P4HA1: variants seen among roughly 807,000 people sequenced by gnomAD.
P4HA1 encodes prolyl 4-hydroxylase subunit alpha 1.
In P4HA1, 24 loss-of-function variants were observed where a neutral mutation model predicts 72.8. The observed-to-expected ratio is 0.33, with a 90% CI of 0.24 to 0.46. The LOEUF (loss-of-function observed/expected upper bound fraction) is 0.46, where lower values mean the gene tolerates loss of function less well. Ranked by LOEUF, P4HA1 falls within the 20% of genes least tolerant of loss-of-function variation. P4HA1 has a pLI of 1.00. For missense variants in P4HA1, 446 were observed against 640.6 expected (o/e 0.70, Z 3.28); for synonymous variants, 201 against 218.8 (o/e 0.92, Z 0.72).
At chr10:73,049,312 C>A (rs1265714224) in intron 7 of P4HA1, among the ~76,000 whole-genome samples, 5 of 152,068 alleles carry the variant, frequency 3.3e-5, no homozygotes, top group Non-Finnish European at 7.4e-5. Flanking sequence ...CTTGAGTTTA[C>A]CAGTAGTAAA....
At chr10:73,044,418 G>A (rs1840806619) in intron 9 of P4HA1, among the ~76,000 whole-genome samples, 1 of 152,196 alleles carries the variant, frequency 6.6e-6, no homozygotes, top group African/African-American at 2.4e-5. Context: ...ACAGAGCTCA[G>A]AAGCGTAACT....
chr10:73,042,618 A>C (rs2133083358), intron 9 of P4HA1, among the ~76,000 whole-genome samples: 1 of 152,232 alleles, frequency 6.6e-6, no homozygotes, highest in East Asian at 1.9e-4. Flanking sequence ...TGTGAACAAA[A>C]TATTTTTTAA....
intron 1 of P4HA1, among the ~76,000 whole-genome samples, chr10:73,091,085 GAAGT>G (rs1041494547): frequency 1.7e-5 from 2 of 118,992 alleles, no homozygotes; most frequent in African/African-American, 3.2e-5. Flanking sequence ...AAAAAAAAAA[GAAGT>G]AACTAAATTT....
chr10:73,058,090 GAAAAAA>G (rs869244017), intron 5 of P4HA1, among the ~76,000 whole-genome samples: 2 of 23,060 alleles, frequency 8.7e-5, no homozygotes, highest in East Asian at 8.8e-4. Flanking sequence ...ACTCCGTCCA[GAAAAAA>G]AAAAAAAAAA....
intron 9 of P4HA1, among the ~76,000 whole-genome samples, chr10:73,039,802 A>C (rs1338969856): frequency 2.0e-5 from 3 of 151,852 alleles, no homozygotes; most frequent in African/African-American, 7.3e-5. Context: ...CAAGGGATTA[A>C]ATTAACTGAC....
intron 5 of P4HA1, among the ~76,000 whole-genome samples, chr10:73,067,138 G>A (rs1320000249): frequency 2.0e-5 from 3 of 152,056 alleles, no homozygotes; most frequent in Non-Finnish European, 4.4e-5. Context: ...CAAAGTGCTG[G>A]GATTACAGGC....
At chr10:73,079,650 G>A (rs912974801) in intron 1 of P4HA1, among the ~76,000 whole-genome samples, 1 of 152,096 alleles carries the variant, frequency 6.6e-6, no homozygotes, top group Non-Finnish European at 1.5e-5. Flanking sequence ...GCTGGGGCAG[G>A]AGAATCGCTT....
At position 73,041,591 on chromosome 10, in the gene P4HA1, T is replaced by A. The variant is rs553222670; in HGVS notation, c.1148+3390A>T. 4.6e-5 allele frequency among the ~76,000 whole-genome samples: 7 copies of A among 150,734 alleles called. No individual in the cohort carries two copies. The South Asian group carries it at 1.5e-3, about 32-fold the overall frequency. On this transcript the variant is annotated intron_variant, in intron 9 of 14. Coordinates refer to ENST00000394890, the MANE Select transcript of P4HA1 (RefSeq NM_001017962.3). ...ATTCTCTGACCTTCCTCTAAAGTAGTATAAGACTTTCAATCCAGAAGTATC... is the reference window on the plus strand; with the variant it reads ...ATTCTCTGACCTTCCTCTAAAGTAGAATAAGACTTTCAATCCAGAAGTATC...
At chr10:73,033,802 C>T (rs1014623620) in intron 9 of P4HA1, among the ~76,000 whole-genome samples, 21 of 152,298 alleles carry the variant, frequency 1.4e-4, no homozygotes, top group African/African-American at 4.8e-4. Flanking sequence ...AGGAGCAAAT[C>T]TTTGTGACGT....
At chr10:73,044,037 C>T (rs1432543100) in intron 9 of P4HA1, 1 of 1,006,788 alleles carries the variant, frequency 9.9e-7, no homozygotes, top group East Asian at 2.4e-5. Flanking sequence ...TTTTGCCAAG[C>T]CACAGGTGAT....
At chr10:73,096,421 G>C (rs1220178658) in intron 1 of P4HA1, among the ~76,000 whole-genome samples, 1 of 143,040 alleles carries the variant, frequency 7.0e-6, no homozygotes, top group Admixed American at 6.9e-5. Flanking sequence ...GGGGAACTTG[G>C]AAAAAAAAAA....
intron 10 of P4HA1, among the ~76,000 whole-genome samples, chr10:73,026,770 A>G (rs1191582680): frequency 6.6e-6 from 1 of 152,244 alleles, no homozygotes; most frequent in East Asian, 1.9e-4. Context: ...AAACAACCCC[A>G]TCAAAAAGTG....
intron 9 of P4HA1, chr10:73,044,012 T>TTTTTGTTTG (rs1840796516): frequency 1.5e-6 from 2 of 1,346,374 alleles, no homozygotes; most frequent in Non-Finnish European, 2.1e-6. Flanking sequence ...AATTTTGGGC[T>TTTTTGTTTG]TTTTGTTTGT....
At chr10:73,063,361 A>G (rs1372256946) in intron 5 of P4HA1, among the ~76,000 whole-genome samples, 1 of 152,176 alleles carries the variant, frequency 6.6e-6, no homozygotes, top group Non-Finnish European at 1.5e-5. Context: ...GTGGCTGCAT[A>G]AAGCCTCTTT....
At chr10:73,092,737 G>A (rs1020327008) in intron 1 of P4HA1, among the ~76,000 whole-genome samples, 1 of 151,270 alleles carries the variant, frequency 6.6e-6, no homozygotes, top group African/African-American at 2.4e-5. Context: ...AAAGTTTACT[G>A]TAATTATACA....
At chr10:73,068,709 T>C (rs1481795184) in intron 5 of P4HA1, 137 bp downstream of exon 5, 4 of 662,576 alleles carry the variant, frequency 6.0e-6, no homozygotes, top group Non-Finnish European at 5.2e-6. Context: ...AGGTGATTCT[T>C]TAGTCTTCGA....
chr10:73,083,237 T>C (rs1345821197), intron 1 of P4HA1, among the ~76,000 whole-genome samples: 1 of 152,224 alleles, frequency 6.6e-6, no homozygotes, highest in East Asian at 1.9e-4. Context: ...GTCATACTTC[T>C]GTTCTTAAAA....
At chr10:73,043,559 T>C (rs1007567895) in intron 9 of P4HA1, among the ~76,000 whole-genome samples, 5 of 152,232 alleles carry the variant, frequency 3.3e-5, no homozygotes, top group African/African-American at 1.2e-4. Flanking sequence ...TTTAAACCCC[T>C]GCTTTACTGC....
rs760610796 is a variant in P4HA1 at position 73,046,916 on chromosome 10, ATTAT to A, written c.1077+5_1077+8del. The A allele has an allele frequency of 9.5e-6, 15 of 1,577,720 alleles. No individual in the cohort carries two copies. The highest frequency in any genetic ancestry group is 1.3e-5 in the Non-Finnish European group (15 of 1,155,470). On this transcript the variant is annotated splice_donor_5th_base_variant and intron_variant, in intron 8 of 14. Transcript: ENST00000394890. ...TAAATTGAGGAGAAAGAAAGAAAAC[ATTAT>A]TTACCCTTGGTTTTGCTAGGTCTTT...
Sources: allele counts gnomAD v4.1 joint callset (sites outside exome capture counted in the v4.1 genomes callset), GRCh38; gene constraint gnomAD v4.1.1; transcripts MANE v1.5; gene names NCBI Gene and HGNC (gene_info 2026-07-23, HGNC 2026-07-21).